The following ACSM3 variants were observed in gnomAD, a reference collection of about 807,000 sequenced individuals.
ACSM3 encodes the protein acyl-coenzyme A synthetase ACSM3, mitochondrial.
Under a neutral mutation model 74.1 loss-of-function variants are expected in ACSM3, and 61 were observed. That is an observed-to-expected ratio of 0.82 (90% CI 0.67 to 1.02). ACSM3 has a LOEUF of 1.02. ACSM3 is among the 50% of genes least tolerant of loss of function. The probability of loss-of-function intolerance (pLI) is 0.00; values close to 1 mark genes in which losing one functional copy is unlikely to be tolerated. For missense variants in ACSM3, 660 were observed against 697.0 expected (o/e 0.95, Z 0.60); for synonymous variants, 213 against 241.5 (o/e 0.88, Z 1.09).
intron 2 of ACSM3, among the ~76,000 whole-genome samples, chr16:20,775,024 CTT>C (rs930539571): frequency 2.0e-5 from 3 of 152,130 alleles, no homozygotes; most frequent in Admixed American, 6.5e-5. Flanking sequence ...GGCAGCCTCT[CTT>C]GATGTGCTGG....
intron 1 of ACSM3, among the ~76,000 whole-genome samples, chr16:20,677,841 T>C (rs900089569): frequency 6.6e-6 from 1 of 152,034 alleles, no homozygotes; most frequent in African/African-American, 2.4e-5. Context: ...TTCTGACACT[T>C]TCCATGTTCA....
At chr16:20,788,438 A>G (rs999153743) in intron 9 of ACSM3, among the ~76,000 whole-genome samples, 1 of 152,172 alleles carries the variant, frequency 6.6e-6, no homozygotes, top group African/African-American at 2.4e-5. Context: ...TAGAGCAGCT[A>G]TCTTTGAATG....
At chr16:20,792,203 A>C (rs776198590) in intron 11 of ACSM3, 33 bp from the exon 12 acceptor site, 1 of 1,613,934 alleles carries the variant, frequency 6.2e-7, no homozygotes, top group South Asian at 1.1e-5. Flanking sequence ...CCTGCCACTC[A>C]CCTGTATGTA....
chr16:20,741,478 C>CGGGGG, intron 1 of ACSM3: 3 of 1,336,934 alleles, frequency 2.2e-6, no homozygotes, highest in Non-Finnish European at 9.7e-7. Flanking sequence ...GGCCTGGCAG[C>CGGGGG]CGGCCCGCCC....
At chr16:20,727,648 G>A (rs28638307) in intron 1 of ACSM3, among the ~76,000 whole-genome samples, 9,116 of 152,166 alleles carry the variant, frequency 0.06, 929 homozygotes, top group African/African-American at 0.21. Flanking sequence ...TGCTAAAGGG[G>A]TGATGATTAT....
intron 1 of ACSM3, chr16:20,738,050 CA>C: frequency 8.4e-7 from 1 of 1,191,692 alleles, no homozygotes; most frequent in Non-Finnish European, 1.2e-6. Flanking sequence ...CATAAGTTGA[CA>C]GAAGAAATTC....
intron 8 of ACSM3, among the ~76,000 whole-genome samples, chr16:20,785,589 T>C (rs1268590725): frequency 2.0e-5 from 3 of 151,540 alleles, no homozygotes; most frequent in Admixed American, 6.6e-5. Flanking sequence ...GAACAAAAAA[T>C]GAAATAAGAA....
chr16:20,678,611 G>T (rs1010939899), intron 1 of ACSM3, among the ~76,000 whole-genome samples: 1 of 152,194 alleles, frequency 6.6e-6, no homozygotes, highest in Non-Finnish European at 1.5e-5. Context: ...GTTGTTAAAA[G>T]ACATTATTCC....
In ACSM3 at chr16:20,776,032, T is replaced by C; in HGVS notation, c.413T>C (p.Val138Ala). ...GTCCCAGAGTGGTGGCTTGCAAATG[T>C]GGCCTGTCTGCGAACAGGTTAGTAA... ...PRVPEWWLAN[V>A]ACLRTGTVLI... is the part of the protein sequence containing the mutation. The change falls in exon 3 of 14, where the codon GTG becomes GCG. Residue 138 changes from valine to alanine, a missense_variant. Val to Ala is a moderately conservative substitution (Grantham distance 64). Coordinates refer to ENST00000289416, the MANE Select transcript of ACSM3 (RefSeq NM_005622.4). 1 of 1,614,164 alleles carries C rather than the reference T, an allele frequency of 6.2e-7. No homozygotes were observed. The highest frequency in any genetic ancestry group is 8.5e-7 in the Non-Finnish European group (1 of 1,180,014).
chr16:20,738,139 T>C (rs9788809), intron 1 of ACSM3: 458,730 of 702,144 alleles, frequency 0.65, 155,285 homozygotes, highest in Non-Finnish European at 0.73. Context: ...CGTACTATAA[T>C]GTATCTAATA....
At chr16:20,774,550 T>C (rs2080232973) in intron 2 of ACSM3, among the ~76,000 whole-genome samples, 1 of 152,228 alleles carries the variant, frequency 6.6e-6, no homozygotes, top group Non-Finnish European at 1.5e-5. Context: ...CCTATCTATG[T>C]GTATCTTTAC....
intron 11 of ACSM3, 47 bp downstream of exon 11, chr16:20,792,176 C>T: frequency 6.2e-7 from 1 of 1,613,974 alleles, no homozygotes; most frequent in Non-Finnish European, 8.5e-7. Context: ...AACTGATCAT[C>T]AGTGTTCTAG....
chr16:20,790,560 T>G lies in ACSM3; in HGVS notation c.1225-27T>G, dbSNP rs779825639. 2.1e-5 allele frequency: 34 copies of G among 1,584,344 alleles called. No homozygotes were observed. The East Asian group carries it at 3.6e-4, about 17-fold the overall frequency. The stretch of plus-strand genomic sequence containing the variant: ...CTGCGACATTAAACAAAAATTTCCT[T>G]AAATAAATTGTTCTATTTTATCCTA... On this transcript the variant is annotated intron_variant, in intron 9 of 13. Transcript: ENST00000289416. The surrounding 1 kb of genome is among the most constrained non-coding windows in gnomAD (Gnocchi z 4.0).
At chr16:20,773,218 G>A (rs2080214894) in intron 2 of ACSM3, among the ~76,000 whole-genome samples, 1 of 151,980 alleles carries the variant, frequency 6.6e-6, no homozygotes, top group South Asian at 2.1e-4. Context: ...CAGTTGTAAT[G>A]TCTCCTTTTT....
chr16:20,742,143 A>C, intron 1 of ACSM3: 1 of 969,736 alleles, frequency 1.0e-6, no homozygotes, highest in Non-Finnish European at 1.4e-6. Flanking sequence ...ATTAAATTTG[A>C]ACTCAATTGA....
intron 1 of ACSM3, among the ~76,000 whole-genome samples, chr16:20,713,774 TG>T (rs1292187223): frequency 6.6e-6 from 1 of 152,036 alleles, no homozygotes; most frequent in Non-Finnish European, 1.5e-5. Context: ...GTGCATATTT[TG>T]GGGGTAGTTT....
intron 12 of ACSM3, chr16:20,796,048 T>A (rs970543307): frequency 9.2e-6 from 2 of 217,998 alleles, no homozygotes; most frequent in African/African-American, 4.6e-5. Flanking sequence ...CACAGCCTTG[T>A]ATAAAGACTG....
chr16:20,749,021 T>C (rs749702372), intron 1 of ACSM3, among the ~76,000 whole-genome samples: 3 of 151,978 alleles, frequency 2.0e-5, no homozygotes, highest in Non-Finnish European at 4.4e-5. Flanking sequence ...CTATGAGCCA[T>C]TGCACTCTAG....
chr16:20,729,647 A>G (rs2079819460), intron 1 of ACSM3: 1 of 225,604 alleles, frequency 4.4e-6, no homozygotes, highest in Non-Finnish European at 8.9e-6. Context: ...TGGTCATTTA[A>G]TTCTCACTAT....
Sources: gnomAD v4.1 joint callset for allele counts (sites outside exome capture counted in the v4.1 genomes callset) on GRCh38, gnomAD v4.1.1 for gene constraint, Gnocchi (gnomAD v3.1) non-coding constraint, MANE v1.5 for transcripts, NCBI Gene and HGNC (gene_info 2026-07-23, HGNC 2026-07-21) for gene names.